Variants in PDE1A observed in about 807,000 individuals in gnomAD.
PDE1A encodes the protein phosphodiesterase 1A, also known as dual specificity calcium/calmodulin-dependent 3',5'-cyclic nucleotide phosphodiesterase 1A.
Under a neutral mutation model 61.7 loss-of-function variants are expected in PDE1A, and 35 were observed. The observed-to-expected ratio is 0.57, with a 90% CI of 0.43 to 0.75. PDE1A has a LOEUF of 0.75. Among genes scored for constraint, PDE1A ranks in the 30% least tolerant of loss-of-function variants. The probability of loss-of-function intolerance (pLI) is 0.00; values close to 1 mark genes in which losing one functional copy is unlikely to be tolerated. For synonymous variants in PDE1A, 232 were observed against 213.2 expected, an observed-to-expected ratio of 1.09 and a Z score of -0.77; for missense variants, 597 against 630.6, an observed-to-expected ratio of 0.95 and a Z score of 0.57.
intron 2 of PDE1A, among the ~76,000 whole-genome samples, chr2:182,494,512 A>G (rs1385997167): frequency 6.6e-6 from 1 of 152,112 alleles, no homozygotes; most frequent in Non-Finnish European, 1.5e-5. Context: ...TACTGATGTC[A>G]GCATTGTGTC....
chr2:182,482,187 A>G (rs1478212321), intron 2 of PDE1A, among the ~76,000 whole-genome samples: 2 of 151,946 alleles, frequency 1.3e-5, no homozygotes, highest in Non-Finnish European at 2.9e-5. Flanking sequence ...TCTATTAATA[A>G]ATGTAGGAAG....
intron 2 of PDE1A, among the ~76,000 whole-genome samples, chr2:182,481,692 T>G (rs377028423): frequency 1.9e-4 from 29 of 151,828 alleles, no homozygotes; most frequent in African/African-American, 6.8e-4. Context: ...GCAAGAAAAA[T>G]GAATATGTGG....
intron 2 of PDE1A, among the ~76,000 whole-genome samples, chr2:182,436,599 G>T (rs1192307736): frequency 6.6e-6 from 1 of 151,840 alleles, no homozygotes; most frequent in Admixed American, 6.6e-5. Context: ...TCCCTCATCT[G>T]CTCTTTACAT....
chr2:182,582,342 T>C, the PDE1A span, among the ~76,000 whole-genome samples: 580 of 152,340 alleles, frequency 3.8e-3, 4 homozygotes, highest in African/African-American at 0.013. Context: ...GAATGCCTGG[T>C]ATGTGCTTGT....
the PDE1A span, among the ~76,000 whole-genome samples, chr2:182,566,265 A>G: frequency 6.6e-6 from 1 of 152,030 alleles, no homozygotes; most frequent in South Asian, 2.1e-4. Flanking sequence ...TTTTAAATCA[A>G]TTCATTTCCC....
intron 10 of PDE1A, among the ~76,000 whole-genome samples, chr2:182,199,048 A>T (rs1035903325): frequency 6.6e-6 from 1 of 151,956 alleles, no homozygotes; most frequent in Non-Finnish European, 1.5e-5. Context: ...TATTCAGACT[A>T]CATGATTTTT....
At position 182,370,255 on chromosome 2, in the gene PDE1A, G is replaced by C. The variant is rs570501497; in HGVS notation, c.53+56323C>G. On this transcript the variant is annotated intron_variant, in intron 1 of 13. Coordinates refer to ENST00000351439, the Ensembl canonical transcript of PDE1A. ...TTCCTGTGAGATAAGAAAAAAGGAA[G>C]AAAGGATGGCTGATTAATTAGTTAA... Among the ~76,000 whole-genome samples, 84 of 152,296 alleles carry C rather than the reference G, an allele frequency of 5.5e-4. 1 individual carries two copies. Among genetic ancestry groups the C allele is most frequent in the South Asian group, 2.5e-3 (12 of 4,826 alleles).
the PDE1A span, among the ~76,000 whole-genome samples, chr2:182,640,180 G>A: frequency 2.0e-5 from 3 of 152,192 alleles, no homozygotes; most frequent in Non-Finnish European, 4.4e-5. Context: ...TGAAGGTTGT[G>A]TATACAAGAA....
intron 2 of PDE1A, among the ~76,000 whole-genome samples, chr2:182,249,962 ACT>A (rs1210420224): frequency 6.6e-6 from 1 of 152,202 alleles, no homozygotes; most frequent in Non-Finnish European, 1.5e-5. Flanking sequence ...TGATAAATAG[ACT>A]GAGGCACAGA....
At chr2:182,600,861 C>T in the PDE1A span, among the ~76,000 whole-genome samples, 1 of 152,204 alleles carries the variant, frequency 6.6e-6, no homozygotes, top group African/African-American at 2.4e-5. Context: ...TCAGTCTTTC[C>T]TTGATCAATG....
At chr2:182,511,523 A>G (rs1689788893) in intron 2 of PDE1A, among the ~76,000 whole-genome samples, 1 of 152,122 alleles carries the variant, frequency 6.6e-6, no homozygotes, top group Admixed American at 6.5e-5. Flanking sequence ...AGAGCTTCTT[A>G]CAGAGTTGAT....
chr2:182,537,747 G>A, the PDE1A span, among the ~76,000 whole-genome samples: 1 of 152,024 alleles, frequency 6.6e-6, no homozygotes, highest in Admixed American at 6.6e-5. Flanking sequence ...AACTTCCTGA[G>A]GCTGGAGATA....
rs1438552727 is a variant in PDE1A at position 182,242,879 on chromosome 2, C to CCTCCCTCTCTCT, written c.168-2599_168-2588dup. On this transcript the variant is annotated intron_variant, in intron 2 of 13. Coordinates refer to ENST00000351439, the Ensembl canonical transcript of PDE1A. Reference sequence around the variant, plus strand: ...TCGCTCTCTCTCTCCTCTCTCCTCTCCTCCCTCTCTCTCTCTCTCCCTCTC... The same window carrying CCTCCCTCTCTCT: ...TCGCTCTCTCTCTCCTCTCTCCTCTCCTCCCTCTCTCTCTCCCTCTCTCTCTCTCTCCCTCTC... Among the ~76,000 whole-genome samples the CCTCCCTCTCTCT allele has an allele frequency of 4.6e-3, 344 of 74,544 alleles. 10 individuals carry two copies. The highest frequency in any genetic ancestry group is 7.4e-3 in the South Asian group (14 of 1,884). 48.9% of individuals were successfully genotyped at this position (74,544 alleles called of 152,430 possible). A position where few individuals can be genotyped will look rare whatever the true frequency, so the allele number is the denominator to read the frequency against.
intron 9 of PDE1A, 61 bp from the exon 10 acceptor site, chr2:182,201,620 T>C (rs1054895059): frequency 2.5e-5 from 37 of 1,456,820 alleles, no homozygotes; most frequent in Non-Finnish European, 3.2e-5. Flanking sequence ...CAGTCTTTTC[T>C]GAGGCCAAGC....
chr2:182,151,232 C>T (rs990596012), intron 13 of PDE1A, among the ~76,000 whole-genome samples: 21 of 152,156 alleles, frequency 1.4e-4, no homozygotes, highest in African/African-American at 5.1e-4. Flanking sequence ...GGACTATAGG[C>T]ATCTGCCACC....
intron 1 of PDE1A, among the ~76,000 whole-genome samples, chr2:182,395,143 C>A (rs188525447): frequency 6.6e-6 from 1 of 152,328 alleles, no homozygotes; most frequent in African/African-American, 2.4e-5. Context: ...ATTGATCTGG[C>A]AAATGCCTTT....
At chr2:182,147,069 T>G (rs762515599) in exon 14 of PDE1A, 1 of 1,563,262 alleles carries the variant, frequency 6.4e-7, no homozygotes, top group East Asian at 2.3e-5. Flanking sequence ...GTCTTTAAGG[T>G]GTTTCGGGCC....
At chr2:182,259,869 C>T (rs950857347) in intron 2 of PDE1A, among the ~76,000 whole-genome samples, 1 of 152,146 alleles carries the variant, frequency 6.6e-6, no homozygotes, top group Non-Finnish European at 1.5e-5. Flanking sequence ...TAAGGACAAT[C>T]GAACATATTT....
At chr2:182,177,172 C>T (rs1247399755) in intron 13 of PDE1A, among the ~76,000 whole-genome samples, 10 of 151,738 alleles carry the variant, frequency 6.6e-5, no homozygotes, top group Admixed American at 4.6e-4. Flanking sequence ...CTCTGCCTGG[C>T]TTTGGTATCA....
Sources: gnomAD v4.1 joint callset for allele counts (sites outside exome capture counted in the v4.1 genomes callset) on GRCh38, gnomAD v4.1.1 for gene constraint, MANE v1.5 for transcripts, NCBI Gene and HGNC (gene_info 2026-07-23, HGNC 2026-07-21) for gene names.